The following LPAR3 variants were observed in gnomAD, a reference collection of about 807,000 sequenced individuals.
The protein encoded by LPAR3 is LPA receptor 3.
LPAR3 carries 7 observed loss-of-function variants against 17.8 expected under a neutral mutation model. The observed-to-expected ratio is 0.39, with a 90% CI of 0.22 to 0.74. LPAR3 has a LOEUF of 0.74. LPAR3 is among the 30% of genes least tolerant of loss of function. The pLI is 0.40. For synonymous variants in LPAR3, 179 were observed against 179.9 expected (o/e 0.99, Z 0.04); for missense variants, 391 against 453.4 (o/e 0.86, Z 1.25).
chr1:84,855,264 T>A (rs939470775), intron 2 of LPAR3, among the ~76,000 whole-genome samples: 1 of 152,228 alleles, frequency 6.6e-6, no homozygotes, highest in Admixed American at 6.5e-5. Flanking sequence ...TTTGATAAAA[T>A]TCTACCATTG....
chr1:84,860,398 T>G (rs898803845), intron 2 of LPAR3, among the ~76,000 whole-genome samples: 1 of 152,242 alleles, frequency 6.6e-6, no homozygotes, highest in Non-Finnish European at 1.5e-5. Flanking sequence ...AGCAAGTATT[T>G]GTACTCTGTG....
Position 84,876,359 on chromosome 1 carries a change from G to A in LPAR3, c.-18-10221C>T, listed in dbSNP as rs150438506. On this transcript the variant is annotated intron_variant, in intron 1 of 2. Transcript: ENST00000370611. ...CCTACAGGGCTGGCCCTTAGGGACTGCTTCCTTGCTTTCCAGCTTCTGCCA... is the reference window on the plus strand; with the variant it reads ...CCTACAGGGCTGGCCCTTAGGGACTACTTCCTTGCTTTCCAGCTTCTGCCA... Among the ~76,000 whole-genome samples, 79 of 152,224 alleles carry A rather than the reference G, an allele frequency of 5.2e-4. 1 individual carries two copies. The Middle Eastern group carries it at 0.014, about 26-fold the overall frequency.
At chr1:84,886,092 G>A (rs1449112335) in intron 1 of LPAR3, among the ~76,000 whole-genome samples, 1 of 152,056 alleles carries the variant, frequency 6.6e-6, no homozygotes, top group African/African-American at 2.4e-5. Context: ...CTATGTATTG[G>A]TGTCTAAATA....
chr1:84,849,388 A>C (rs991959864), intron 2 of LPAR3, among the ~76,000 whole-genome samples: 3 of 151,308 alleles, frequency 2.0e-5, no homozygotes, highest in Admixed American at 1.3e-4. Context: ...AAAAAAAAAA[A>C]AAAAAGAAAG....
chr1:84,813,825 G>A lies in LPAR3; in HGVS notation c.*21C>T. 2 of 1,594,282 alleles carry A rather than the reference G, an allele frequency of 1.3e-6. No individual in the cohort carries two copies. The highest frequency in any genetic ancestry group is 2.2e-5 in the South Asian group (2 of 90,034). ...CTCTTTTCCCAGAGGAGGCCTGGGT[G>A]GGCCGAGAGGCATCCAGAGTTTAGG... On this transcript the variant is annotated 3_prime_UTR_variant, in exon 3 of 3. Transcript: ENST00000370611.
intron 2 of LPAR3, among the ~76,000 whole-genome samples, chr1:84,846,904 T>C (rs796258938): frequency 2.6e-5 from 4 of 152,300 alleles, no homozygotes; most frequent in African/African-American, 7.2e-5. Flanking sequence ...AGAGTTTTAA[T>C]GTGCTATCTG....
chr1:84,875,875 G>A (rs1660246479), intron 1 of LPAR3, among the ~76,000 whole-genome samples: 1 of 152,062 alleles, frequency 6.6e-6, no homozygotes, highest in Non-Finnish European at 1.5e-5. Flanking sequence ...TGCTCCATAT[G>A]GTTTGTTCCA....
At chr1:84,878,130 C>G (rs1660292152) in intron 1 of LPAR3, among the ~76,000 whole-genome samples, 1 of 151,974 alleles carries the variant, frequency 6.6e-6, no homozygotes. Context: ...GGGCTGGTAT[C>G]CTTCTCTCTC....
At chr1:84,862,422 C>T (rs1459709967) in intron 2 of LPAR3, among the ~76,000 whole-genome samples, 1 of 152,198 alleles carries the variant, frequency 6.6e-6, no homozygotes, top group Non-Finnish European at 1.5e-5. Flanking sequence ...CGCAGTGAGT[C>T]TTGGTTAACA....
At chr1:84,883,050 G>T (rs1660393254) in intron 1 of LPAR3, among the ~76,000 whole-genome samples, 1 of 152,182 alleles carries the variant, frequency 6.6e-6, no homozygotes, top group African/African-American at 2.4e-5. Flanking sequence ...TTTAATTATT[G>T]TTATTATCAG....
intron 1 of LPAR3, among the ~76,000 whole-genome samples, chr1:84,877,932 G>A (rs1430751779): frequency 6.6e-6 from 1 of 151,768 alleles, no homozygotes; most frequent in African/African-American, 2.4e-5. Flanking sequence ...CAGTTAGTTG[G>A]TTATAAGGGG....
chr1:84,877,071 C>T (rs142278945), intron 1 of LPAR3, among the ~76,000 whole-genome samples: 1,715 of 152,232 alleles, frequency 0.011, 25 homozygotes, highest in African/African-American at 0.04. Context: ...GCCTTGTGCA[C>T]CATGGAAATT....
chr1:84,885,915 T>C (rs1338843557), intron 1 of LPAR3, among the ~76,000 whole-genome samples: 2 of 152,238 alleles, frequency 1.3e-5, no homozygotes, highest in East Asian at 3.8e-4. Flanking sequence ...TCTTTGGGTG[T>C]TAGATTGAAA....
chr1:84,816,083 T>C (rs1466682855), intron 2 of LPAR3, among the ~76,000 whole-genome samples: 1 of 152,190 alleles, frequency 6.6e-6, no homozygotes, highest in African/African-American at 2.4e-5. Flanking sequence ...AGGCTAGGTC[T>C]GAGTTTTTCT....
chr1:84,841,022 A>G (rs970263352), intron 2 of LPAR3, among the ~76,000 whole-genome samples: 2 of 152,228 alleles, frequency 1.3e-5, no homozygotes, highest in African/African-American at 4.8e-5. Flanking sequence ...CATGTCTACA[A>G]CATATTGAAA....
At chr1:84,877,851 C>T (rs1660286963) in intron 1 of LPAR3, among the ~76,000 whole-genome samples, 1 of 152,064 alleles carries the variant, frequency 6.6e-6, no homozygotes, top group Non-Finnish European at 1.5e-5. Context: ...CCCTCATGTC[C>T]AGTACAGTGG....
At position 84,882,048 on chromosome 1, in the gene LPAR3, C is replaced by T. The variant is rs138543615; in HGVS notation, c.-19+10968G>A. On this transcript the variant is annotated intron_variant, in intron 1 of 2. Transcript: ENST00000370611. ...GGAAACAAAGAAGTAAAATTATCTCCGTTCATCAACAACATGATCTTATAT... is the reference window on the plus strand; with the variant it reads ...GGAAACAAAGAAGTAAAATTATCTCTGTTCATCAACAACATGATCTTATAT... Among the ~76,000 whole-genome samples, 7 of 152,244 alleles carry T rather than the reference C, an allele frequency of 4.6e-5. No individual in the cohort carries two copies. In the East Asian group the frequency reaches 5.8e-4, roughly 13 times the overall value.
intron 2 of LPAR3, among the ~76,000 whole-genome samples, chr1:84,844,905 C>T (rs1399244990): frequency 3.9e-5 from 6 of 152,200 alleles, no homozygotes; most frequent in Admixed American, 2.0e-4. Context: ...AAAGAGAGAA[C>T]TAAGGGGGAC....
chr1:84,867,655 C>A (rs773097736), intron 1 of LPAR3, among the ~76,000 whole-genome samples: 5 of 151,608 alleles, frequency 3.3e-5, no homozygotes, highest in African/African-American at 9.7e-5. Flanking sequence ...TTAAAAAAAA[C>A]TGGGAGTAGT....
Sources: gnomAD v4.1 joint callset for allele counts (sites outside exome capture counted in the v4.1 genomes callset) on GRCh38, gnomAD v4.1.1 for gene constraint, MANE v1.5 for transcripts, NCBI Gene and HGNC (gene_info 2026-07-23, HGNC 2026-07-21) for gene names.